Variants in ARHGAP44 observed in about 807,000 individuals in gnomAD.
The protein encoded by ARHGAP44 is rho GTPase-activating protein 44.
A neutral mutation model predicts 106.8 loss-of-function variants in ARHGAP44; 43 were observed. That is an observed-to-expected ratio of 0.40 (90% CI 0.32 to 0.52). The LOEUF is 0.52. ARHGAP44 is among the 20% of genes least tolerant of loss of function. ARHGAP44 has a pLI of 0.48. For synonymous variants in ARHGAP44, 439 were observed against 410.3 expected, an observed-to-expected ratio of 1.07 and a Z score of -0.85; for missense variants, 866 against 1,050.5, an observed-to-expected ratio of 0.82 and a Z score of 2.43.
intron 1 of ARHGAP44, among the ~76,000 whole-genome samples, chr17:12,835,063 C>T (rs1467914210): frequency 6.6e-6 from 1 of 152,150 alleles, no homozygotes; most frequent in African/African-American, 2.4e-5. Flanking sequence ...TCCGAATAAT[C>T]TTGCATTAGA....
intron 1 of ARHGAP44, among the ~76,000 whole-genome samples, chr17:12,869,694 G>T (rs1043691382): frequency 6.6e-6 from 1 of 152,014 alleles, no homozygotes; most frequent in African/African-American, 2.4e-5. Context: ...AATGTTCATT[G>T]TAGAAGAATT....
chr17:12,955,022 C>G (rs1169584566), intron 13 of ARHGAP44, among the ~76,000 whole-genome samples: 1 of 152,148 alleles, frequency 6.6e-6, no homozygotes, highest in African/African-American at 2.4e-5. Flanking sequence ...TTATTTTCCC[C>G]AACCATGCCC....
intron 4 of ARHGAP44, among the ~76,000 whole-genome samples, chr17:12,910,864 T>C (rs1385621930): frequency 6.6e-6 from 1 of 152,220 alleles, no homozygotes; most frequent in South Asian, 2.1e-4. Flanking sequence ...ATAAAGGTAT[T>C]ACATTTAAAT....
At chr17:12,836,960 A>G (rs564481372) in intron 1 of ARHGAP44, among the ~76,000 whole-genome samples, 4 of 152,342 alleles carry the variant, frequency 2.6e-5, no homozygotes, top group Non-Finnish European at 4.4e-5. Flanking sequence ...TCACTCAACA[A>G]TAAGGTATAC....
At chr17:12,828,393 G>A (rs1219856409) in intron 1 of ARHGAP44, among the ~76,000 whole-genome samples, 1 of 151,822 alleles carries the variant, frequency 6.6e-6, no homozygotes, top group Non-Finnish European at 1.5e-5. Flanking sequence ...TTGCAATGAG[G>A]TATTTTCATT....
intron 1 of ARHGAP44, among the ~76,000 whole-genome samples, chr17:12,868,719 G>A (rs185027816): frequency 2.5e-4 from 37 of 149,480 alleles, no homozygotes; most frequent in African/African-American, 7.4e-4. Flanking sequence ...GTGCAATGGC[G>A]CGATCTTGGC....
At chr17:12,805,594 A>G (rs2034250687) in intron 1 of ARHGAP44, among the ~76,000 whole-genome samples, 1 of 152,218 alleles carries the variant, frequency 6.6e-6, no homozygotes, top group African/African-American at 2.4e-5. Flanking sequence ...CTCAAGCCAT[A>G]CCTATGAATT....
intron 1 of ARHGAP44, among the ~76,000 whole-genome samples, chr17:12,874,035 A>G (rs2036482730): frequency 1.3e-5 from 2 of 152,212 alleles, no homozygotes; most frequent in South Asian, 2.1e-4. Flanking sequence ...AAGTCCAGGT[A>G]TAAGTGGTTG....
At chr17:12,798,515 A>ATAG (rs1410707452) in intron 1 of ARHGAP44, among the ~76,000 whole-genome samples, 1 of 152,154 alleles carries the variant, frequency 6.6e-6, no homozygotes, top group African/African-American at 2.4e-5. Flanking sequence ...TACATCAATG[A>ATAG]TAGAGTCAGT....
intron 3 of ARHGAP44, among the ~76,000 whole-genome samples, chr17:12,908,184 CTCATTTCTTTTTTTTTTTTTTTTTT>C (rs1181230996): frequency 1.8e-4 from 27 of 147,796 alleles, no homozygotes; most frequent in Admixed American, 1.7e-3. Flanking sequence ...CCATAGCTGC[CTCATTTCTTTTTTTTTTTTTTTTTT>C]TTTGGAGATG....
At chr17:12,920,143 A>G (rs2038032681) in intron 6 of ARHGAP44, among the ~76,000 whole-genome samples, 1 of 152,164 alleles carries the variant, frequency 6.6e-6, no homozygotes, top group Non-Finnish European at 1.5e-5. Flanking sequence ...TGGGAGGCCA[A>G]GGCGGGCGGA....
Position 12,916,057 on chromosome 17 carries a change from C to T in ARHGAP44, c.387+46C>T, listed in dbSNP as rs192654086. 94 of 1,428,774 alleles carry T rather than the reference C, an allele frequency of 6.6e-5. No homozygotes were observed. The East Asian group carries it at 1.7e-3, about 25-fold the overall frequency. The allele number at this position is 1,428,774 out of a possible 1,614,324, so 88.5% of individuals were successfully genotyped here. ...CAGGCCTGAAAGAGCAAGGAGGTAC[C>T]GAACAGGAGCCCCTCAATCATTCTG... is the stretch of plus-strand genomic sequence containing the variant. On this transcript the variant is annotated intron_variant, in intron 5 of 20. Transcript: ENST00000379672.
chr17:12,955,724 G>GT, intron 13 of ARHGAP44, 143 bp from the exon 14 acceptor site: 1 of 579,172 alleles, frequency 1.7e-6, no homozygotes, highest in Non-Finnish European at 3.1e-6. Flanking sequence ...TTCCTGACAC[G>GT]TGACGCATGT....
chr17:12,921,046 AT>A (rs2038069128), intron 6 of ARHGAP44, among the ~76,000 whole-genome samples: 1 of 151,992 alleles, frequency 6.6e-6, no homozygotes, highest in African/African-American at 2.4e-5. Context: ...GACCAACTTT[AT>A]TTTTTTATTT....
At chr17:12,793,909 A>C (rs1037637685) in intron 1 of ARHGAP44, among the ~76,000 whole-genome samples, 1 of 152,190 alleles carries the variant, frequency 6.6e-6, no homozygotes, top group African/African-American at 2.4e-5. Flanking sequence ...AAGTGAACAA[A>C]AGATCCATGC....
At chr17:12,972,756 G>C (rs1356598074) in intron 16 of ARHGAP44, among the ~76,000 whole-genome samples, 1 of 151,376 alleles carries the variant, frequency 6.6e-6, no homozygotes, top group East Asian at 2.0e-4. Context: ...CCACCTCCTG[G>C]GTTCATGCCA....
chr17:12,922,026 T>C (rs1050665956), intron 6 of ARHGAP44, among the ~76,000 whole-genome samples: 2 of 152,218 alleles, frequency 1.3e-5, no homozygotes, highest in Non-Finnish European at 2.9e-5. Flanking sequence ...TCTGTGTCGA[T>C]ACATCTTTTA....
At chr17:12,989,536 T>C (rs2040056568) in intron 20 of ARHGAP44, among the ~76,000 whole-genome samples, 1 of 152,168 alleles carries the variant, frequency 6.6e-6, no homozygotes, top group Non-Finnish European at 1.5e-5. Context: ...GACCTTCTAC[T>C]CCACCCATGT....
At chr17:12,989,402 C>T (rs1000916231) in intron 20 of ARHGAP44, among the ~76,000 whole-genome samples, 1 of 152,172 alleles carries the variant, frequency 6.6e-6, no homozygotes, top group African/African-American at 2.4e-5. Context: ...GTACATTTCT[C>T]CTGTTCATCT....
Sources: gnomAD v4.1 joint callset for allele counts (sites outside exome capture counted in the v4.1 genomes callset) on GRCh38, gnomAD v4.1.1 for gene constraint, MANE v1.5 for transcripts, NCBI Gene and HGNC (gene_info 2026-07-23, HGNC 2026-07-21) for gene names.